Variants in TSHZ1 observed in about 807,000 individuals in gnomAD.
TSHZ1 encodes the protein teashirt homolog 1.
TSHZ1 carries 12 observed loss-of-function variants against 67.1 expected under a neutral mutation model. The ratio of observed to expected loss-of-function variants is 0.18; its 90% CI spans 0.11 to 0.29. The LOEUF (loss-of-function observed/expected upper bound fraction) is 0.29, where lower values mean the gene tolerates loss of function less well. Among genes scored for constraint, TSHZ1 ranks in the 10% least tolerant of loss-of-function variants. The pLI is 1.00. For missense variants in TSHZ1, 1,305 were observed against 1,413.9 expected (o/e 0.92, Z 1.23); for synonymous variants, 632 against 622.4 (o/e 1.02, Z -0.23).
At chr18:75,246,175 G>A (rs138354061) in intron 1 of TSHZ1, among the ~76,000 whole-genome samples, 1,913 of 152,324 alleles carry the variant, frequency 0.013, 15 homozygotes, top group South Asian at 0.022. Context: ...TGTTAGTTGG[G>A]CATTTCCTAC....
At chr18:75,241,905 G>A (rs550948880) in intron 1 of TSHZ1, among the ~76,000 whole-genome samples, 1 of 148,178 alleles carries the variant, frequency 6.7e-6, no homozygotes, top group East Asian at 2.0e-4. Flanking sequence ...CTCCTCTGTT[G>A]TAAGGTCACC....
At chr18:75,249,351 C>T (rs942356615) in intron 1 of TSHZ1, among the ~76,000 whole-genome samples, 2 of 151,266 alleles carry the variant, frequency 1.3e-5, no homozygotes, top group Non-Finnish European at 3.0e-5. Flanking sequence ...ACCCCTGTGG[C>T]GGGTGGGGGC....
intron 1 of TSHZ1, among the ~76,000 whole-genome samples, chr18:75,223,337 T>C (rs2022874458): frequency 6.6e-6 from 1 of 152,188 alleles, no homozygotes; most frequent in Admixed American, 6.5e-5. Context: ...GTTTCACACA[T>C]GTTCAGTTTT....
intron 1 of TSHZ1, among the ~76,000 whole-genome samples, chr18:75,216,785 CAG>C (rs58716949): frequency 0.035 from 5,370 of 152,166 alleles, 189 homozygotes; most frequent in East Asian, 0.11. Context: ...TACGTTTCAA[CAG>C]AGAGCAGGGA....
At chr18:75,263,857 A>G (rs2023458500) in intron 1 of TSHZ1, among the ~76,000 whole-genome samples, 1 of 152,212 alleles carries the variant, frequency 6.6e-6, no homozygotes, top group African/African-American at 2.4e-5. Context: ...GCTGCAGAGG[A>G]AAAGGAAAGA....
At chr18:75,279,607 C>A (rs991227709) in intron 1 of TSHZ1, among the ~76,000 whole-genome samples, 4 of 152,138 alleles carry the variant, frequency 2.6e-5, no homozygotes, top group Admixed American at 6.5e-5. Context: ...TGGTTGGGGA[C>A]CTGGGGGACC....
intron 1 of TSHZ1, among the ~76,000 whole-genome samples, chr18:75,265,280 G>T (rs2023477194): frequency 6.6e-6 from 1 of 152,216 alleles, no homozygotes; most frequent in African/African-American, 2.4e-5. Context: ...ATGTGTGCTT[G>T]AGTAAGTAGA....
At chr18:75,272,353 A>G (rs1599051961) in intron 1 of TSHZ1, among the ~76,000 whole-genome samples, 1 of 151,948 alleles carries the variant, frequency 6.6e-6, no homozygotes, top group South Asian at 2.1e-4. Flanking sequence ...AGAGGGGAGG[A>G]GGGCCAGGGA....
intron 1 of TSHZ1, among the ~76,000 whole-genome samples, chr18:75,227,678 A>G (rs1431773490): frequency 2.6e-5 from 4 of 152,302 alleles, no homozygotes; most frequent in African/African-American, 7.2e-5. Flanking sequence ...TACAGTCCCT[A>G]CCACACTGAA....
intron 1 of TSHZ1, among the ~76,000 whole-genome samples, chr18:75,271,423 C>A (rs979034671): frequency 6.6e-6 from 1 of 152,192 alleles, no homozygotes; most frequent in Non-Finnish European, 1.5e-5. Flanking sequence ...TCTCGCTTCA[C>A]TCAAGGATGC....
chr18:75,251,819 T>G (rs2023307747), intron 1 of TSHZ1, among the ~76,000 whole-genome samples: 1 of 152,228 alleles, frequency 6.6e-6, no homozygotes. Context: ...TTCCATCATC[T>G]TACTCATTTG....
intron 1 of TSHZ1, among the ~76,000 whole-genome samples, chr18:75,234,594 T>A (rs2023043080): frequency 3.3e-5 from 5 of 150,948 alleles, no homozygotes; most frequent in Middle Eastern, 6.8e-3. Flanking sequence ...AGGGGTTTTT[T>A]TTTCCCCCCA....
At chr18:75,253,092 T>C (rs930358147) in intron 1 of TSHZ1, among the ~76,000 whole-genome samples, 16 of 152,240 alleles carry the variant, frequency 1.1e-4, no homozygotes, top group African/African-American at 3.9e-4. Context: ...TATTTGCTAC[T>C]ATTAAGTTTT....
intron 1 of TSHZ1, among the ~76,000 whole-genome samples, chr18:75,248,741 A>AT (rs2023255393): frequency 6.6e-6 from 1 of 152,206 alleles, no homozygotes; most frequent in East Asian, 1.9e-4. Flanking sequence ...TTACTTGCCT[A>AT]ATTATACTTG....
chr18:75,287,893 C>T lies in TSHZ1; in HGVS notation c.2486C>T (p.Ala829Val). The change falls in exon 2 of 2, where the codon GCA becomes GTA. Residue 829 changes from alanine (A) to valine (V), a missense_variant. This residue lies in a region of TSHZ1 where 909 missense variants were observed against 961.8 expected (regional missense o/e 0.95). Coordinates refer to ENST00000580243, the MANE Select transcript of TSHZ1 (RefSeq NM_001308210.2). This position sits in a 1 kb window ranked among gnomAD's most constrained non-coding sequence, Gnocchi z 5.0. ...GTGTCCAGCGTGGCTGATTCGGTGG[C>T]ATCACCTCTGCGGGAGAGCGCACTC... ...PLVSSVADSVASPLRESALMD... is the reference protein window; with the variant it reads ...PLVSSVADSVVSPLRESALMD... The T allele has an allele frequency of 6.2e-7, 1 of 1,614,224 alleles. No homozygotes were observed. Among genetic ancestry groups the T allele is most frequent in the South Asian group, 1.1e-5 (1 of 91,088 alleles).
rs776678187 is a variant in TSHZ1 at position 75,288,120 on chromosome 18, G to A, written c.2713G>A (p.Ala905Thr). ...QHLLILQAQFASSLRETTEGK... is the reference protein window; with the variant it reads ...QHLLILQAQFTSSLRETTEGK... ...CCTTCTCATCCTGCAGGCCCAGTTC[G>A]CCTCGAGCTTGCGGGAGACCACAGA... Residue 905 changes from alanine to threonine, a missense_variant, in exon 2 of 2, where the codon GCC (alanine) becomes ACC (threonine). Ala to Thr is a moderately conservative substitution (Grantham distance 58, BLOSUM62 0). This residue lies in a region of TSHZ1 where 909 missense variants were observed against 961.8 expected (regional missense o/e 0.95). Coordinates refer to ENST00000580243, the MANE Select transcript of TSHZ1 (RefSeq NM_001308210.2). This position sits in a 1 kb window ranked among gnomAD's most constrained non-coding sequence, Gnocchi z 4.9. 2.5e-6 allele frequency: 4 copies of A among 1,613,684 alleles called. No individual in the cohort carries two copies. Among genetic ancestry groups the A allele is most frequent in the Admixed American group, 1.7e-5 (1 of 60,028 alleles).
In TSHZ1 at chr18:75,278,610, G is replaced by A. The variant is rs115700412; in HGVS notation, c.41-6838G>A. Among the ~76,000 whole-genome samples, 766 of 152,166 alleles carry A rather than the reference G, an allele frequency of 5.0e-3. 8 individuals are homozygous for A. Among genetic ancestry groups the A allele is most frequent in the African/African-American group, 0.018 (744 of 41,504 alleles). On this transcript the variant is annotated intron_variant, in intron 1 of 1. Coordinates refer to ENST00000580243, the MANE Select transcript of TSHZ1 (RefSeq NM_001308210.2). ...GGGGGCAGAAGAACCAGAAGACTCA[G>A]CGCACCGTGAAAGACCGGGGGTGGA...
In TSHZ1 at chr18:75,288,569, G is replaced by A; in HGVS notation, c.3162G>A (p.Leu1054=). ...TTGCGAGCAAGCACGCAGTCAAACTGCACCTTAGTAAGACCCACGGCAAGT... is the reference window on the plus strand; with the variant it reads ...TTGCGAGCAAGCACGCAGTCAAACTACACCTTAGTAAGACCCACGGCAAGT... ...RTFASKHAVK[L]HLSKTHGKSP... The change falls in exon 2 of 2, where the codon CTG becomes CTA. Residue 1054 remains leucine, a synonymous_variant. Transcript: ENST00000580243. The surrounding 1 kb of genome is among the most constrained non-coding windows in gnomAD (Gnocchi z 4.9). 1 of 1,614,128 alleles carries A rather than the reference G, an allele frequency of 6.2e-7. No homozygotes were observed.
chr18:75,226,711 G>A (rs1036697960), intron 1 of TSHZ1, among the ~76,000 whole-genome samples: 2 of 151,864 alleles, frequency 1.3e-5, no homozygotes, highest in African/African-American at 2.4e-5. Flanking sequence ...CCTCCCAGCC[G>A]CAGTGTCAGC....
Sources: gnomAD v4.1 joint callset for allele counts (sites outside exome capture counted in the v4.1 genomes callset) on GRCh38, gnomAD v4.1.1 for gene constraint, gnomAD v4.1.1 regional missense constraint, Gnocchi (gnomAD v3.1) non-coding constraint, MANE v1.5 for transcripts, NCBI Gene and HGNC (gene_info 2026-07-23, HGNC 2026-07-21) for gene names.